CARD10: variants seen among roughly 807,000 people sequenced by gnomAD.
CARD10 encodes caspase recruitment domain family member 10.
CARD10 carries 49 observed loss-of-function variants against 114.6 expected under a neutral mutation model. That is an observed-to-expected ratio of 0.43 (90% confidence interval 0.34 to 0.54). The LOEUF (loss-of-function observed/expected upper bound fraction) is 0.54. Ranked by LOEUF, CARD10 falls within the 20% of genes least tolerant of loss-of-function variation. The pLI is 0.03. For missense variants in CARD10, 1,206 were observed against 1,397.2 expected (o/e 0.86, Z 2.18); for synonymous variants, 602 against 593.2 (o/e 1.01, Z -0.21).
rs528654160 is a variant in CARD10, at chr22:37,502,604, G to A, written c.1785C>T (p.Asn595=). The change falls in exon 11 of 20, where the codon AAC becomes AAT. Residue 595 remains asparagine, a splice_region_variant and synonymous_variant. Coordinates refer to ENST00000251973, the MANE Select transcript of CARD10 (RefSeq NM_014550.4). ...LARGCGLDFL[N]RSLAIRVSGR... Reference sequence around the variant, plus strand: ...CCCACTGCAGGCAGCTACAGTACCTGTTGAGGAAGTCCAGGCCACAGCCCC... The same window carrying A: ...CCCACTGCAGGCAGCTACAGTACCTATTGAGGAAGTCCAGGCCACAGCCCC... 2.1e-5 allele frequency: 34 copies of A among 1,613,724 alleles called. No individual in the cohort carries two copies. Among genetic ancestry groups the A allele is most frequent in the Middle Eastern group, 3.3e-4 (2 of 6,042 alleles).
intron 10 of CARD10, 38 bp from the exon 11 acceptor site, chr22:37,502,763 G>A: frequency 6.2e-7 from 1 of 1,601,004 alleles, no homozygotes; most frequent in East Asian, 2.2e-5. Flanking sequence ...TCTGGCACTG[G>A]GAAACAGGGA....
At chr22:37,491,421 A>C (rs1318039456) in intron 19 of CARD10, 28 bp from the exon 20 acceptor site, 1 of 1,427,490 alleles carries the variant, frequency 7.0e-7, no homozygotes, top group Non-Finnish European at 9.2e-7. Flanking sequence ...AGCAGCGGTC[A>C]AAGTGGGGGA....
chr22:37,506,465 C>T, intron 6 of CARD10, 82 bp from the exon 7 acceptor site: 2 of 1,065,750 alleles, frequency 1.9e-6, no homozygotes, highest in South Asian at 1.8e-5. Context: ...AGAATGGGGA[C>T]AGTAAGGAGA....
Position 37,519,395 on chromosome 22 carries a change from C to T in CARD10, c.-195G>A, listed in dbSNP as rs1923956875. The T allele has an allele frequency of 8.3e-7, 1 of 1,200,972 alleles. No homozygotes were observed. Among genetic ancestry groups the T allele is most frequent in the African/African-American group, 1.6e-5 (1 of 63,218 alleles). The allele number at this position is 1,200,972 out of a possible 1,614,324, so 74.4% of individuals were successfully genotyped here. A position where few individuals can be genotyped will look rare whatever the true frequency, so the allele number is the denominator to read the frequency against. ...CCGGGTCCGCACTCGGGCGGCGGCT[C>T]CGCCGGCGCAGGGGGGCGGTGCCCG... On this transcript the variant is annotated 5_prime_UTR_variant, in exon 1 of 20. Coordinates refer to ENST00000251973, the MANE Select transcript of CARD10 (RefSeq NM_014550.4). This position sits in a 1 kb window ranked among gnomAD's most constrained non-coding sequence, Gnocchi z 4.1.
In CARD10 at chr22:37,502,711, T is replaced by C. The variant is rs777717036; in HGVS notation, c.1678A>G (p.Lys560Glu). The C allele has an allele frequency of 5.0e-6, 8 of 1,613,188 alleles. No homozygotes were observed. The highest frequency in any genetic ancestry group is 6.8e-6 in the Non-Finnish European group (8 of 1,179,718). ...GAAGAGAGGCCAGGGGACCAGGGCT[T>C]AAGTGTCACACTCCCTGGGGAAAAA... The part of the protein sequence containing the change: ...MSDITGSVTL[K>E]PWSPGLSSSS... Residue 560 changes from lysine to glutamate, a missense_variant, in exon 11 of 20, where the codon AAG (lysine) becomes GAG (glutamate). Lys to Glu is a moderately conservative substitution (Grantham distance 56, BLOSUM62 1). Coordinates refer to ENST00000251973, the MANE Select transcript of CARD10 (RefSeq NM_014550.4).
intron 1 of CARD10, among the ~76,000 whole-genome samples, 162 bp downstream of exon 1, chr22:37,518,804 G>A (rs1923928951): frequency 6.6e-6 from 1 of 152,224 alleles, no homozygotes; most frequent in African/African-American, 2.4e-5. Context: ...TGGTGGGTGG[G>A]GAGGAGGCAG....
Position 37,492,675 on chromosome 22 carries a change from G to C in CARD10, c.2604C>G (p.Ser868Arg). The change falls in exon 17 of 20, where the codon AGC becomes AGG. Residue 868 changes from serine to arginine, a missense_variant. Ser to Arg is a moderately radical substitution (Grantham distance 110, BLOSUM62 -1). Transcript: ENST00000251973. This position sits in a 1 kb window ranked among gnomAD's most constrained non-coding sequence, Gnocchi z 5.7. The stretch of plus-strand genomic sequence containing the variant: ...GGCACACTTGGAAGTCCAGCCGGGA[G>C]CTGGGCAGGTCTAGCAGGTTACGGA... ...RLIRNLLDLP[S>R]SRLDFQVCPA... The C allele has an allele frequency of 6.2e-7, 1 of 1,613,114 alleles. No individual in the cohort carries two copies. Among genetic ancestry groups the C allele is most frequent in the Non-Finnish European group, 8.5e-7 (1 of 1,179,878 alleles).
In CARD10 at chr22:37,492,591, G is replaced by GC. The variant is rs1260312017; in HGVS notation, c.2636-42dup. The stretch of plus-strand genomic sequence containing the variant: ...AGAGGGAGAGATGAAGGATCCATGG[G>GC]CCCGGCTGCCCAGAGGGGCACCCAG... On this transcript the variant is annotated intron_variant, in intron 17 of 19. Coordinates refer to ENST00000251973, the MANE Select transcript of CARD10 (RefSeq NM_014550.4). The surrounding 1 kb of genome is among the most constrained non-coding windows in gnomAD (Gnocchi z 5.7). The GC allele has an allele frequency of 4.4e-6, 7 of 1,605,686 alleles. No homozygotes were observed. Among genetic ancestry groups the GC allele is most frequent in the African/African-American group, 1.3e-5 (1 of 74,800 alleles).
rs764840587 is a variant in CARD10 at position 37,495,525 on chromosome 22, G to A, written c.2365C>T (p.Arg789Cys). 1.5e-5 allele frequency: 24 copies of A among 1,611,450 alleles called. No homozygotes were observed. The highest frequency in any genetic ancestry group is 1.7e-4 in the Middle Eastern group (1 of 6,044). ...TGCCCAGCCGTGCTCACATTACTGC[G>A]GGGGCCTCGGTGCCGGCTGGAGGGC... ...CLPSSRHRGP[R>C]SNLKKRALDQ... The change falls in exon 15 of 20, where the codon CGC (arginine) becomes TGC (cysteine). Residue 789 changes from arginine (R) to cysteine (C), a missense_variant. Coordinates refer to ENST00000251973, the MANE Select transcript of CARD10 (RefSeq NM_014550.4).
rs766858409 is a variant in CARD10 at position 37,504,714 on chromosome 22, C to T, written c.1439G>A (p.Ser480Asn). The change falls in exon 8 of 20, where the codon AGC becomes AAC. Residue 480 changes from serine to asparagine, a missense_variant. Ser to Asn is a conservative substitution (Grantham distance 46, BLOSUM62 1). Around this residue, in one of 2 missense-constraint regions of CARD10, gnomAD observed 1,068 missense variants for 1,179.1 expected, o/e 0.91. Transcript: ENST00000251973. ...CSNLSSTWSL[S>N]EFPSPLGGPE... ...GCCTCCCAGAGGGGAGGGGAACTCGCTCAGGCTCCAAGTGCTGCTGAGGTT... is the reference window on the plus strand; with the variant it reads ...GCCTCCCAGAGGGGAGGGGAACTCGTTCAGGCTCCAAGTGCTGCTGAGGTT... The T allele has an allele frequency of 8.8e-6, 14 of 1,584,078 alleles. No individual in the cohort carries two copies. The South Asian group carries it at 1.4e-4, about 16-fold the overall frequency.
At chr22:37,497,290 C>A in intron 11 of CARD10, 112 bp from the exon 12 acceptor site, 1 of 1,073,782 alleles carries the variant, frequency 9.3e-7, no homozygotes, top group East Asian at 2.6e-5. Context: ...ATGACTCCCA[C>A]CCCCAGGCCT....
rs1246315814 is a variant in CARD10, at chr22:37,496,176, G to A, written c.2060-173C>T. On this transcript the variant is annotated intron_variant, in intron 13 of 19. Transcript: ENST00000251973. The surrounding 1 kb of genome is among the most constrained non-coding windows in gnomAD (Gnocchi z 4.1). ...CAGAGGGGGCAGGGACTTGCCCAAGGCCAGTGCCTTCTAGAAACAGAGCCA... is the reference window on the plus strand; with the variant it reads ...CAGAGGGGGCAGGGACTTGCCCAAGACCAGTGCCTTCTAGAAACAGAGCCA... Among the ~76,000 whole-genome samples, 1 of 152,184 alleles carries A rather than the reference G, an allele frequency of 6.6e-6. No homozygotes were observed. The highest frequency in any genetic ancestry group is 1.9e-4 in the East Asian group (1 of 5,184).
At chr22:37,499,619 G>A (rs1175323709) in intron 11 of CARD10, among the ~76,000 whole-genome samples, 2 of 151,792 alleles carry the variant, frequency 1.3e-5, no homozygotes, top group Non-Finnish European at 2.9e-5. Flanking sequence ...GACAACTCCT[G>A]CAGCTCCCTG....
At position 37,517,971 on chromosome 22, in the gene CARD10, C is replaced by T. The variant is rs1255514107; in HGVS notation, c.373G>A (p.Asp125Asn). The T allele has an allele frequency of 6.2e-7, 1 of 1,613,030 alleles. No individual in the cohort carries two copies. The highest frequency in any genetic ancestry group is 8.5e-7 in the Non-Finnish European group (1 of 1,179,356). The change falls in exon 2 of 20, where the codon GAT becomes AAT. Residue 125 changes from aspartate to asparagine, a missense_variant and splice_region_variant. Around this residue, in one of 2 missense-constraint regions of CARD10, gnomAD observed 138 missense variants for 218.0 expected, o/e 0.63. Coordinates refer to ENST00000251973, the MANE Select transcript of CARD10 (RefSeq NM_014550.4). ...CAGCATCCACCGCAGATCCACTCAC[C>T]GAGGATCATGGAGCAGCGCTGGGCG... is the stretch of plus-strand genomic sequence containing the variant. The part of the protein sequence containing the change: ...EPAQRCSMIL[D>N]EEGPEGLTQF...
chr22:37,508,908 G>T, intron 4 of CARD10: 1 of 1,375,330 alleles, frequency 7.3e-7, no homozygotes, highest in Non-Finnish European at 1.0e-6. Flanking sequence ...GTACAAGTAA[G>T]CTAATAAGCT....
rs567307340 is a variant in CARD10 at position 37,518,580 on chromosome 22, A to G, written c.235+386T>C. Among the ~76,000 whole-genome samples the G allele has an allele frequency of 3.2e-4, 49 of 152,226 alleles. No homozygotes were observed. The South Asian group carries it at 0.01, about 32-fold the overall frequency. Reference sequence around the variant, plus strand: ...TGAAAAAGGACTCCCCCAGGAGTGTATGGTGCACAGAGGAGGGGACAGACA... The same window carrying G: ...TGAAAAAGGACTCCCCCAGGAGTGTGTGGTGCACAGAGGAGGGGACAGACA... On this transcript the variant is annotated intron_variant, in intron 1 of 19. Coordinates refer to ENST00000251973, the MANE Select transcript of CARD10 (RefSeq NM_014550.4).
rs1364476292 is a variant in CARD10, at chr22:37,504,103, C to G, written c.1634+83G>C. On this transcript the variant is annotated intron_variant, in intron 9 of 19. Transcript: ENST00000251973. The stretch of plus-strand genomic sequence containing the variant: ...AGTGACTGCCTGGACCTGACTTTGG[C>G]ATTGCAGATTCTGGGAGGTGGCTGT... The G allele has an allele frequency of 7.3e-6, 7 of 963,636 alleles. No homozygotes were observed. In the East Asian group the frequency reaches 1.8e-4, roughly 25 times the overall value. The allele number at this position is 963,636 out of a possible 1,614,324, so 59.7% of individuals were successfully genotyped here.
chr22:37,505,932 C>G (rs777967383), intron 7 of CARD10, among the ~76,000 whole-genome samples: 8 of 152,170 alleles, frequency 5.3e-5, no homozygotes, highest in Non-Finnish European at 5.9e-5. Flanking sequence ...CAAAGACCAG[C>G]TCCAAACTAT....
At position 37,501,766 on chromosome 22, in the gene CARD10, C is replaced by A. The variant is rs1480434349; in HGVS notation, c.1787+836G>T. Among the ~76,000 whole-genome samples, 2 of 152,218 alleles carry A rather than the reference C, an allele frequency of 1.3e-5. No homozygotes were observed. The highest frequency in any genetic ancestry group is 1.9e-4 in the East Asian group (1 of 5,208). On this transcript the variant is annotated intron_variant, in intron 11 of 19. Coordinates refer to ENST00000251973, the MANE Select transcript of CARD10 (RefSeq NM_014550.4). The surrounding 1 kb of genome is among the most constrained non-coding windows in gnomAD (Gnocchi z 5.4). Reference sequence around the variant, plus strand: ...AGAGATAATCGTCATTATGCCTACTCCCTGGACAAAGAGCATGTTGTAAAA... The same window carrying A: ...AGAGATAATCGTCATTATGCCTACTACCTGGACAAAGAGCATGTTGTAAAA...
Sources: allele counts gnomAD v4.1 joint callset (sites outside exome capture counted in the v4.1 genomes callset), GRCh38; gene constraint gnomAD v4.1.1; regional missense constraint gnomAD v4.1.1; non-coding constraint Gnocchi (gnomAD v3.1); transcripts MANE v1.5; gene names NCBI Gene and HGNC (gene_info 2026-07-23, HGNC 2026-07-21).